Variants in RAB40B observed in about 807,000 individuals in gnomAD.
RAB40B encodes the protein ras-related protein Rab-40B.
Under a neutral mutation model 24.0 loss-of-function variants are expected in RAB40B, and 21 were observed. That is an observed-to-expected ratio of 0.88 (90% CI 0.62 to 1.26). The LOEUF is 1.26. Ranked by LOEUF, RAB40B falls within the 50% of genes most tolerant of loss-of-function variation. The probability of loss-of-function intolerance (pLI) is 0.00; values close to 1 mark genes in which losing one functional copy is unlikely to be tolerated. For missense variants in RAB40B, 348 were observed against 390.5 expected (o/e 0.89, Z 0.92); for synonymous variants, 167 against 169.8 (o/e 0.98, Z 0.13).
chr17:82,690,635 TGTGCACATGTGTTCCCGGG>T, intron 1 of RAB40B, among the ~76,000 whole-genome samples: 1 of 128,072 alleles, frequency 7.8e-6, no homozygotes, highest in Middle Eastern at 6.0e-3. Context: ...GAGCATGGAG[TGTGCACATGTGTTCCCGGG>T]GAGCAGAGAG....
intron 1 of RAB40B, among the ~76,000 whole-genome samples, chr17:82,695,169 G>A (rs757729573): frequency 1.3e-4 from 20 of 150,582 alleles, no homozygotes; most frequent in Non-Finnish European, 2.6e-4. Flanking sequence ...AGTTACGAAC[G>A]CCCTCATCTT....
chr17:82,666,581 C>G (rs1007067760), intron 1 of RAB40B, among the ~76,000 whole-genome samples: 1 of 151,918 alleles, frequency 6.6e-6, no homozygotes, highest in Non-Finnish European at 1.5e-5. Flanking sequence ...TGTTTCCCCG[C>G]CCCCATCACC....
intron 1 of RAB40B, among the ~76,000 whole-genome samples, chr17:82,672,564 G>A (rs1006953483): frequency 2.0e-5 from 3 of 152,236 alleles, no homozygotes; most frequent in African/African-American, 7.2e-5. Context: ...CCTTTGCCAA[G>A]TAATTAGGAT....
In RAB40B at chr17:82,657,905, G is replaced by C. The variant is rs754586216; in HGVS notation, c.795C>G (p.Ser265Arg). The C allele has an allele frequency of 1.2e-5, 18 of 1,534,232 alleles. No homozygotes were observed. In the African/African-American group the frequency reaches 1.4e-4, roughly 12 times the overall value. The change falls in exon 6 of 6, where the codon AGC becomes AGG. Residue 265 changes from serine (S) to arginine (R), a missense_variant. This residue lies in a region of RAB40B where 121 missense variants were observed against 124.0 expected (regional missense o/e 0.98). Coordinates refer to ENST00000571995, the MANE Select transcript of RAB40B (RefSeq NM_006822.3). ...RKVKLVRPPQ[S>R]PPKNCTRNSC... is the part of the protein sequence containing the mutation. Reference sequence around the variant, plus strand: ...TGTTTCTGGTGCAGTTTTTGGGGGGGCTCTGGGGGGGGCGGACGAGCTTCA... The same window carrying C: ...TGTTTCTGGTGCAGTTTTTGGGGGGCCTCTGGGGGGGGCGGACGAGCTTCA...
intron 1 of RAB40B, among the ~76,000 whole-genome samples, chr17:82,684,465 G>T (rs920722814): frequency 6.6e-6 from 1 of 152,074 alleles, no homozygotes; most frequent in Admixed American, 6.6e-5. Flanking sequence ...AAACAAGTTC[G>T]CACAAAAACG....
Position 82,663,080 on chromosome 17 carries a change from G to A in RAB40B, c.203+1416C>T, listed in dbSNP as rs998750511. 1.3e-5 allele frequency among the ~76,000 whole-genome samples: 2 copies of A among 152,152 alleles called. No individual in the cohort carries two copies. Among genetic ancestry groups the A allele is most frequent in the African/African-American group, 4.8e-5 (2 of 41,428 alleles). ...GAGGGTGGGGAGCAGGACAGGGGCTGACGGCAACCCCAACGCCAGCCCAGC... is the reference window on the plus strand; with the variant it reads ...GAGGGTGGGGAGCAGGACAGGGGCTAACGGCAACCCCAACGCCAGCCCAGC... On this transcript the variant is annotated intron_variant, in intron 2 of 5. Coordinates refer to ENST00000571995, the MANE Select transcript of RAB40B (RefSeq NM_006822.3). The surrounding 1 kb of genome is among the most constrained non-coding windows in gnomAD (Gnocchi z 6.2).
rs2046386516 is a variant in RAB40B, at chr17:82,675,571, A to G, written c.143-11015T>C. Among the ~76,000 whole-genome samples, 1 of 152,172 alleles carries G rather than the reference A, an allele frequency of 6.6e-6. No homozygotes were observed. Among genetic ancestry groups the G allele is most frequent in the South Asian group, 2.1e-4 (1 of 4,832 alleles). ...ATAAGCTAGGCAGCTCCTAAACAAC[A>G]GAAACTTGTCATCACAGTTCTGGAG... is the stretch of plus-strand genomic sequence containing the variant. On this transcript the variant is annotated intron_variant, in intron 1 of 5. Coordinates refer to ENST00000571995, the MANE Select transcript of RAB40B (RefSeq NM_006822.3). The surrounding 1 kb of genome is among the most constrained non-coding windows in gnomAD (Gnocchi z 4.5).
At chr17:82,674,520 T>C (rs1463103570) in intron 1 of RAB40B, among the ~76,000 whole-genome samples, 2 of 145,692 alleles carry the variant, frequency 1.4e-5, no homozygotes, top group Non-Finnish European at 3.0e-5. Context: ...GCACCTGTAG[T>C]CCCAGCTACT....
chr17:82,660,840 G>A (rs2046162746), intron 3 of RAB40B, 147 bp downstream of exon 3: 1 of 983,994 alleles, frequency 1.0e-6, no homozygotes, highest in Non-Finnish European at 1.5e-6. Flanking sequence ...CCACTCTACA[G>A]CACGTTTTTA....
At chr17:82,696,266 G>C (rs927328605) in intron 1 of RAB40B, 6 of 152,098 alleles carry the variant, frequency 3.9e-5, no homozygotes, top group African/African-American at 1.5e-4. Flanking sequence ...TCCTCAGTTC[G>C]GCATGTAGCA....
intron 2 of RAB40B, chr17:82,662,342 C>T (rs1376069692): frequency 2.9e-5 from 29 of 985,370 alleles, no homozygotes; most frequent in South Asian, 9.4e-5. Context: ...GAGGAGGCAG[C>T]GGGCCAGGTC....
In RAB40B at chr17:82,660,226, GCA is replaced by G. The variant is rs777097777; in HGVS notation, c.265-571_265-570del. Among the ~76,000 whole-genome samples, 10 of 151,882 alleles carry G rather than the reference GCA, an allele frequency of 6.6e-5. No individual in the cohort carries two copies. The East Asian group carries it at 1.4e-3, about 21-fold the overall frequency. On this transcript the variant is annotated intron_variant, in intron 3 of 5. Coordinates refer to ENST00000571995, the MANE Select transcript of RAB40B (RefSeq NM_006822.3). ...ACTCATGCACAGATGCACACACAGT[GCA>G]CACACGCAGTTCATGTGTGCACATG... is the stretch of plus-strand genomic sequence containing the variant.
chr17:82,691,524 T>C (rs976187237), intron 1 of RAB40B, among the ~76,000 whole-genome samples: 2 of 151,776 alleles, frequency 1.3e-5, no homozygotes, highest in Admixed American at 1.3e-4. Flanking sequence ...CCATCTCTAC[T>C]AAAAATACAA....
rs1045206549 is a variant in RAB40B at position 82,667,765 on chromosome 17, G to A, written c.143-3209C>T. The stretch of plus-strand genomic sequence containing the variant: ...AGATACAGCAGCACTGAGAACGCCC[G>A]AAGCACCCGCTTTGCAGACGCCACC... On this transcript the variant is annotated intron_variant, in intron 1 of 5. Transcript: ENST00000571995. This position sits in a 1 kb window ranked among gnomAD's most constrained non-coding sequence, Gnocchi z 4.3. Among the ~76,000 whole-genome samples the A allele has an allele frequency of 7.2e-5, 11 of 152,264 alleles. 1 individual carries two copies. In the South Asian group the frequency reaches 1.5e-3, roughly 20 times the overall value.
At chr17:82,666,593 C>G (rs1161440025) in intron 1 of RAB40B, among the ~76,000 whole-genome samples, 3 of 152,030 alleles carry the variant, frequency 2.0e-5, no homozygotes, top group African/African-American at 7.2e-5. Context: ...CCCATCACCC[C>G]CCAGACACCA....
intron 4 of RAB40B, 126 bp from the exon 5 acceptor site, chr17:82,658,839 G>C (rs2046123136): frequency 1.2e-6 from 1 of 816,132 alleles, no homozygotes. Flanking sequence ...CTCAGCATGG[G>C]ACCTCGTTTG....
At chr17:82,664,348 G>T in intron 2 of RAB40B, 148 bp downstream of exon 2, 1 of 729,874 alleles carries the variant, frequency 1.4e-6, no homozygotes, top group Non-Finnish European at 2.3e-6. Flanking sequence ...TGCCGACGGT[G>T]GTGGTGGGAG....
intron 1 of RAB40B, 128 bp downstream of exon 1, chr17:82,698,327 G>A (rs1245955059): frequency 5.0e-6 from 4 of 793,042 alleles, no homozygotes; most frequent in Admixed American, 5.3e-5. Context: ...CACGCGCCCC[G>A]GCCTCTTCCC....
At chr17:82,685,742 G>T (rs1412192947) in intron 1 of RAB40B, among the ~76,000 whole-genome samples, 2 of 152,120 alleles carry the variant, frequency 1.3e-5, no homozygotes, top group Non-Finnish European at 2.9e-5. Context: ...TCCCCCAAAG[G>T]CTCACATTCA....
Sources: allele counts gnomAD v4.1 joint callset (sites outside exome capture counted in the v4.1 genomes callset), GRCh38; gene constraint gnomAD v4.1.1; regional missense constraint gnomAD v4.1.1; non-coding constraint Gnocchi (gnomAD v3.1); transcripts MANE v1.5; gene names NCBI Gene and HGNC (gene_info 2026-07-23, HGNC 2026-07-21).